The following NAALADL2 variants were observed in gnomAD, a reference collection of about 807,000 sequenced individuals.
The protein encoded by NAALADL2 is inactive N-acetylated-alpha-linked acidic dipeptidase-like protein 2.
NAALADL2 carries 76 observed loss-of-function variants against 87.2 expected under a neutral mutation model. The ratio of observed to expected loss-of-function variants is 0.87; its 90% CI spans 0.72 to 1.05. NAALADL2 has a LOEUF of 1.05. Ranked by LOEUF, NAALADL2 falls within the 50% of genes least tolerant of loss-of-function variation. NAALADL2 has a pLI of 0.00. For synonymous variants in NAALADL2, 354 were observed against 331.0 expected (o/e 1.07, Z -0.75); for missense variants, 1,089 against 945.8 (o/e 1.15, Z -1.99).
intron 11 of NAALADL2, among the ~76,000 whole-genome samples, chr3:175,683,731 C>T (rs566322860): frequency 6.6e-6 from 1 of 151,776 alleles, no homozygotes; most frequent in Non-Finnish European, 1.5e-5. Flanking sequence ...GTTTCTGATT[C>T]TTTGTTATTT....
intron 5 of NAALADL2, among the ~76,000 whole-genome samples, chr3:175,333,474 A>T (rs1761639752): frequency 6.6e-6 from 1 of 152,186 alleles, no homozygotes; most frequent in South Asian, 2.1e-4. Flanking sequence ...TGCACAATGG[A>T]ATACTATTTA....
At chr3:175,747,995 T>C (rs1746143772) in intron 12 of NAALADL2, among the ~76,000 whole-genome samples, 1 of 151,982 alleles carries the variant, frequency 6.6e-6, no homozygotes, top group Non-Finnish European at 1.5e-5. Context: ...CTTTAGAATT[T>C]AGAAATCTGT....
chr3:175,790,880 A>G (rs1202083117), intron 13 of NAALADL2, among the ~76,000 whole-genome samples: 1 of 152,224 alleles, frequency 6.6e-6, no homozygotes, highest in Non-Finnish European at 1.5e-5. Context: ...TTTGTATATA[A>G]TTACACATGT....
chr3:175,576,538 C>G (rs1046554908), intron 10 of NAALADL2, among the ~76,000 whole-genome samples: 5 of 152,048 alleles, frequency 3.3e-5, no homozygotes, highest in African/African-American at 1.2e-4. Context: ...TCTCCTTGCC[C>G]AAAGGAAAAT....
intron 2 of NAALADL2, among the ~76,000 whole-genome samples, chr3:174,586,014 T>C (rs1339122672): frequency 6.6e-6 from 1 of 152,198 alleles, no homozygotes; most frequent in Non-Finnish European, 1.5e-5. Flanking sequence ...ATATGAAAAG[T>C]TTCTAGAATA....
chr3:175,423,632 T>G (rs574685134), intron 5 of NAALADL2, among the ~76,000 whole-genome samples: 2 of 152,286 alleles, frequency 1.3e-5, no homozygotes, highest in South Asian at 4.1e-4. Context: ...TTCCATGGTG[T>G]GTATGTGCCA....
chr3:175,288,058 G>A (rs377449706), intron 4 of NAALADL2, among the ~76,000 whole-genome samples: 9 of 151,950 alleles, frequency 5.9e-5, no homozygotes, highest in Non-Finnish European at 1.2e-4. Flanking sequence ...TGTTTAATTC[G>A]TCAGGATTCA....
intron 3 of NAALADL2, among the ~76,000 whole-genome samples, chr3:174,827,668 A>G (rs1390136659): frequency 6.6e-6 from 1 of 152,220 alleles, no homozygotes; most frequent in Non-Finnish European, 1.5e-5. Flanking sequence ...AAACAGGTTC[A>G]ATGTATTGGG....
At chr3:174,535,336 C>T (rs1169056301) in intron 1 of NAALADL2, among the ~76,000 whole-genome samples, 1 of 152,074 alleles carries the variant, frequency 6.6e-6, no homozygotes, top group African/African-American at 2.4e-5. Context: ...TATAGGAATA[C>T]AGTATTAGTC....
At chr3:175,220,867 A>AAC (rs1743247940) in intron 2 of NAALADL2, among the ~76,000 whole-genome samples, 1 of 152,130 alleles carries the variant, frequency 6.6e-6, no homozygotes, top group East Asian at 1.9e-4. Flanking sequence ...GATTCCCGCA[A>AAC]GTACTGTTAG....
At chr3:175,275,808 C>T (rs1753507056) in intron 4 of NAALADL2, among the ~76,000 whole-genome samples, 1 of 151,132 alleles carries the variant, frequency 6.6e-6, no homozygotes, top group African/African-American at 2.4e-5. Context: ...AGGCATCCAA[C>T]AAAAAATTAG....
intron 3 of NAALADL2, among the ~76,000 whole-genome samples, chr3:174,850,354 A>G (rs563652702): frequency 6.9e-4 from 105 of 152,242 alleles, no homozygotes; most frequent in African/African-American, 2.4e-3. Flanking sequence ...CAAAAACAAG[A>G]TCCAGTTAAA....
chr3:175,433,535 G>A (rs923869091), intron 5 of NAALADL2, among the ~76,000 whole-genome samples: 28 of 151,892 alleles, frequency 1.8e-4, no homozygotes, highest in Admixed American at 9.9e-4. Context: ...GACCATTAGC[G>A]CTATACTAAG....
At chr3:175,529,431 G>T (rs953100374) in intron 9 of NAALADL2, among the ~76,000 whole-genome samples, 3 of 152,164 alleles carry the variant, frequency 2.0e-5, no homozygotes, top group Non-Finnish European at 4.4e-5. Flanking sequence ...GCTCACTAGG[G>T]GTGATGGTGA....
chr3:175,494,099 T>A (rs1482123771), intron 9 of NAALADL2, among the ~76,000 whole-genome samples: 2 of 150,342 alleles, frequency 1.3e-5, no homozygotes, highest in East Asian at 3.9e-4. Context: ...GCTCACCATT[T>A]TGGAAATTAT....
intron 3 of NAALADL2, among the ~76,000 whole-genome samples, chr3:174,766,540 G>T (rs1713826551): frequency 6.6e-6 from 1 of 152,180 alleles, no homozygotes; most frequent in African/African-American, 2.4e-5. Context: ...CAACATCAAA[G>T]GGCACCTTCT....
chr3:175,520,456 G>T (rs1045601907), intron 9 of NAALADL2, among the ~76,000 whole-genome samples: 4 of 151,346 alleles, frequency 2.6e-5, no homozygotes, highest in Non-Finnish European at 4.4e-5. Flanking sequence ...CCGCCACCGC[G>T]CCCGGCTAAT....
At chr3:175,749,357 G>T (rs1276572980) in intron 12 of NAALADL2, among the ~76,000 whole-genome samples, 1 of 152,164 alleles carries the variant, frequency 6.6e-6, no homozygotes, top group Non-Finnish European at 1.5e-5. Context: ...ATTTTGTGCT[G>T]CTATAACAGA....
intron 4 of NAALADL2, among the ~76,000 whole-genome samples, chr3:175,299,575 T>C (rs1178458067): frequency 1.3e-5 from 2 of 152,224 alleles, no homozygotes; most frequent in Non-Finnish European, 2.9e-5. Context: ...GGGAGTTTGC[T>C]CATGATTTGG....
Sources: allele counts gnomAD v4.1 joint callset (sites outside exome capture counted in the v4.1 genomes callset), GRCh38; gene constraint gnomAD v4.1.1; transcripts MANE v1.5; gene names NCBI Gene and HGNC (gene_info 2026-07-23, HGNC 2026-07-21).